ANKRD55: variants seen among roughly 807,000 people sequenced by gnomAD.
ANKRD55 encodes the protein ankyrin repeat domain-containing protein 55.
In ANKRD55, 41 loss-of-function variants were observed where a neutral mutation model predicts 60.6. That is an observed-to-expected ratio of 0.68 (90% confidence interval 0.53 to 0.88). ANKRD55 has a LOEUF of 0.88. Among genes scored for constraint, ANKRD55 ranks in the 40% least tolerant of loss-of-function variants. The pLI is 0.00. For missense variants in ANKRD55, 732 were observed against 767.6 expected, an observed-to-expected ratio of 0.95 and a Z score of 0.55; for synonymous variants, 264 against 290.3, an observed-to-expected ratio of 0.91 and a Z score of 0.92.
At chr5:56,135,620 C>A (rs1411165402) in intron 7 of ANKRD55, among the ~76,000 whole-genome samples, 1 of 152,038 alleles carries the variant, frequency 6.6e-6, no homozygotes, top group Non-Finnish European at 1.5e-5. Flanking sequence ...CTGCCTGCAT[C>A]GGCCTCCCAA....
chr5:56,147,818 A>T (rs1757935638), intron 6 of ANKRD55, among the ~76,000 whole-genome samples: 1 of 152,208 alleles, frequency 6.6e-6, no homozygotes, highest in Non-Finnish European at 1.5e-5. Context: ...AGCAGCTCAA[A>T]GGCAGCGGTT....
intron 6 of ANKRD55, among the ~76,000 whole-genome samples, chr5:56,149,878 G>A (rs1757999038): frequency 6.9e-6 from 1 of 144,460 alleles, no homozygotes; most frequent in South Asian, 2.2e-4. Context: ...GTCTCATTCT[G>A]TCACCCAGGC....
chr5:56,146,813 G>A (rs1483437178), intron 6 of ANKRD55: 2 of 152,128 alleles, frequency 1.3e-5, no homozygotes, highest in Admixed American at 6.5e-5. Context: ...AACTTCTGAG[G>A]TCAGGTGCGT....
At chr5:56,168,697 AC>A (rs1758540846) in intron 5 of ANKRD55, among the ~76,000 whole-genome samples, 1 of 151,926 alleles carries the variant, frequency 6.6e-6, no homozygotes, top group Non-Finnish European at 1.5e-5. Context: ...GTGAGGGGAG[AC>A]TACTGTTCTC....
chr5:56,141,383 C>T (rs1757761947), intron 7 of ANKRD55, among the ~76,000 whole-genome samples: 1 of 152,058 alleles, frequency 6.6e-6, no homozygotes, highest in Non-Finnish European at 1.5e-5. Flanking sequence ...ATTATAGGCA[C>T]ATGCCATTAT....
At chr5:56,147,985 T>C (rs542144088) in intron 6 of ANKRD55, among the ~76,000 whole-genome samples, 66 of 152,314 alleles carry the variant, frequency 4.3e-4, no homozygotes, top group African/African-American at 1.4e-3. Context: ...GGCTTAGCAA[T>C]TGGTATCTGT....
intron 2 of ANKRD55, among the ~76,000 whole-genome samples, chr5:56,227,647 G>A (rs746253973): frequency 6.0e-5 from 9 of 150,328 alleles, no homozygotes; most frequent in Admixed American, 6.6e-5. Flanking sequence ...CCTTATTGCT[G>A]GCCAAGGAAA....
chr5:56,230,644 A>G (rs373369346), intron 2 of ANKRD55, among the ~76,000 whole-genome samples: 169 of 152,310 alleles, frequency 1.1e-3, no homozygotes, highest in Admixed American at 3.2e-3. Context: ...CTCAACCCTC[A>G]TGGTCTTTCA....
chr5:56,203,050 T>C (rs147051619), intron 2 of ANKRD55, among the ~76,000 whole-genome samples: 3 of 152,320 alleles, frequency 2.0e-5, no homozygotes, highest in Admixed American at 6.5e-5. Flanking sequence ...CATTTACTGA[T>C]TAATTTAGTA....
At chr5:56,106,813 C>T (rs1304299115) in intron 10 of ANKRD55, among the ~76,000 whole-genome samples, 4 of 151,948 alleles carry the variant, frequency 2.6e-5, no homozygotes, top group Admixed American at 2.0e-4. Flanking sequence ...CTAGACTAGT[C>T]TGGGTAACAA....
At chr5:56,168,741 A>G (rs1288583187) in intron 5 of ANKRD55, among the ~76,000 whole-genome samples, 1 of 152,222 alleles carries the variant, frequency 6.6e-6, no homozygotes, top group Admixed American at 6.5e-5. Flanking sequence ...AATGAAGGGC[A>G]TTCTGTGCTC....
At chr5:56,225,951 T>C (rs938644130) in intron 2 of ANKRD55, among the ~76,000 whole-genome samples, 1 of 152,208 alleles carries the variant, frequency 6.6e-6, no homozygotes, top group Non-Finnish European at 1.5e-5. Context: ...AAGCTACCAA[T>C]GACTTTCTTC....
At chr5:56,137,234 G>A (rs1472613935) in intron 7 of ANKRD55, 2 of 1,607,780 alleles carry the variant, frequency 1.2e-6, no homozygotes, top group Non-Finnish European at 1.7e-6. Context: ...GGCCCAAAAA[G>A]AGTGCTGAAT....
At chr5:56,124,231 G>A (rs1757166321) in intron 8 of ANKRD55, among the ~76,000 whole-genome samples, 1 of 152,056 alleles carries the variant, frequency 6.6e-6, no homozygotes, top group African/African-American at 2.4e-5. Context: ...TGCTGCTTCT[G>A]GGTTATGTGT....
At chr5:56,149,481 C>T (rs1757987811) in intron 6 of ANKRD55, among the ~76,000 whole-genome samples, 1 of 152,120 alleles carries the variant, frequency 6.6e-6, no homozygotes. Context: ...CTAACAAGAA[C>T]AAACTTATAA....
intron 7 of ANKRD55, among the ~76,000 whole-genome samples, chr5:56,143,339 T>C (rs1757817642): frequency 1.3e-5 from 2 of 152,208 alleles, no homozygotes; most frequent in Non-Finnish European, 1.5e-5. Flanking sequence ...TTGTGTGTAT[T>C]GACGTGGACT....
rs116044924 is a variant in ANKRD55 at position 56,191,497 on chromosome 5, G to A, written c.59-7863C>T. ...GAGTTGTTTTTCGAAGGGCTTTTAT[G>A]CAAACAATTTTATGGTTAAATTGCT... On this transcript the variant is annotated intron_variant, in intron 2 of 11. Transcript: ENST00000341048. 3.3e-3 allele frequency among the ~76,000 whole-genome samples: 505 copies of A among 152,162 alleles called. 4 individuals are homozygous for A. Among genetic ancestry groups the A allele is most frequent in the African/African-American group, 0.012 (484 of 41,520 alleles).
At chr5:56,185,776 C>A (rs1758957269) in intron 2 of ANKRD55, among the ~76,000 whole-genome samples, 1 of 152,206 alleles carries the variant, frequency 6.6e-6, no homozygotes, top group Middle Eastern at 3.4e-3. Context: ...TCGAATTGAT[C>A]TTTCGTTGGC....
chr5:56,162,672 A>ATTTTT lies in ANKRD55; in HGVS notation c.423-2780_423-2779insAAAAA, dbSNP rs148386596. Among the ~76,000 whole-genome samples the ATTTTT allele has an allele frequency of 3.4e-5, 5 of 147,046 alleles. 1 individual carries two copies. The highest frequency in any genetic ancestry group is 7.6e-5 in the African/African-American group (3 of 39,224). ...ATCTCTTGTTGGTCAATTTTTGGTCAATTTTTTTTTTTTTTGAGACAAGCT... is the reference window on the plus strand; with the variant it reads ...ATCTCTTGTTGGTCAATTTTTGGTCATTTTTATTTTTTTTTTTTTTGAGACAAGCT... On this transcript the variant is annotated intron_variant, in intron 5 of 11. Transcript: ENST00000341048.
Sources: allele counts gnomAD v4.1 joint callset (sites outside exome capture counted in the v4.1 genomes callset), GRCh38; gene constraint gnomAD v4.1.1; transcripts MANE v1.5; gene names NCBI Gene and HGNC (gene_info 2026-07-23, HGNC 2026-07-21).